Variants in RAP1GDS1 observed in about 807,000 individuals in gnomAD.
The protein encoded by RAP1GDS1 is RAP1, GTP-GDP dissociation stimulator 1.
In RAP1GDS1, 35 loss-of-function variants were observed where a neutral mutation model predicts 71.1. The ratio of observed to expected loss-of-function variants is 0.49; its 90% CI spans 0.38 to 0.65. RAP1GDS1 has a LOEUF of 0.65. Ranked by LOEUF, RAP1GDS1 falls within the 30% of genes least tolerant of loss-of-function variation. RAP1GDS1 has a pLI of 0.00. For synonymous variants in RAP1GDS1, 229 were observed against 243.1 expected, an observed-to-expected ratio of 0.94 and a Z score of 0.54; for missense variants, 663 against 706.1, an observed-to-expected ratio of 0.94 and a Z score of 0.69.
chr4:98,422,948 TACCCCTTTG>T (rs1263961200), intron 12 of RAP1GDS1, among the ~76,000 whole-genome samples: 1 of 152,242 alleles, frequency 6.6e-6, no homozygotes. Context: ...GCTTCCTTGG[TACCCCTTTG>T]ACCCCTTCTC....
At chr4:98,382,866 A>G (rs927175958) in intron 5 of RAP1GDS1, among the ~76,000 whole-genome samples, 2 of 151,672 alleles carry the variant, frequency 1.3e-5, no homozygotes, top group Non-Finnish European at 3.0e-5. Context: ...ATGTTAGTTG[A>G]TGTTCCTTAT....
intron 4 of RAP1GDS1, among the ~76,000 whole-genome samples, chr4:98,364,830 C>A (rs550106111): frequency 6.6e-6 from 1 of 151,714 alleles, no homozygotes; most frequent in African/African-American, 2.4e-5. Flanking sequence ...GAGTTCAAGA[C>A]CCACCAGAGC....
chr4:98,332,503 A>C (rs1734147160), intron 2 of RAP1GDS1, among the ~76,000 whole-genome samples: 1 of 152,216 alleles, frequency 6.6e-6, no homozygotes, highest in Non-Finnish European at 1.5e-5. Flanking sequence ...CCAGCTAAAC[A>C]AAAAGATGTA....
chr4:98,436,871 A>G lies in RAP1GDS1; in HGVS notation c.1568-69A>G, dbSNP rs1751211321. On this transcript the variant is annotated intron_variant, in intron 13 of 14. Coordinates refer to ENST00000408927, the MANE Select transcript of RAP1GDS1 (RefSeq NM_001100427.2). The stretch of plus-strand genomic sequence containing the variant: ...AGGTTTCGTATGGTCAATTTCTTCA[A>G]AATGAAGCAGTGTTTATCCTGAGGA... 11 of 1,400,456 alleles carry G rather than the reference A, an allele frequency of 7.9e-6. No individual in the cohort carries two copies. The South Asian group carries it at 2.1e-4, about 27-fold the overall frequency. 86.8% of individuals were successfully genotyped at this position (1,400,456 alleles called of 1,614,324 possible). A position where few individuals can be genotyped will look rare whatever the true frequency, so the allele number is the denominator to read the frequency against.
At chr4:98,292,074 A>T (rs1218285443) in intron 1 of RAP1GDS1, among the ~76,000 whole-genome samples, 1 of 152,108 alleles carries the variant, frequency 6.6e-6, no homozygotes, top group Non-Finnish European at 1.5e-5. Flanking sequence ...ACAGAAGAAG[A>T]TACGAGAGTC....
chr4:98,398,637 A>C (rs1239083502), intron 6 of RAP1GDS1, among the ~76,000 whole-genome samples: 1 of 152,182 alleles, frequency 6.6e-6, no homozygotes, highest in Non-Finnish European at 1.5e-5. Context: ...TTGGAAAGGA[A>C]AAAGTCAAAT....
chr4:98,400,044 C>T (rs1035910414), intron 6 of RAP1GDS1, among the ~76,000 whole-genome samples: 29 of 151,864 alleles, frequency 1.9e-4, no homozygotes, highest in African/African-American at 6.5e-4. Context: ...TCCCAGCTAC[C>T]TGGGAAGCTG....
Position 98,261,476 on chromosome 4 carries a change from A to G in RAP1GDS1, c.-90A>G. 7.5e-7 allele frequency: 1 copy of G among 1,335,030 alleles called. No individual in the cohort carries two copies. The highest frequency in any genetic ancestry group is 1.5e-5 in the African/African-American group (1 of 65,994). 82.7% of individuals were successfully genotyped at this position (1,335,030 alleles called of 1,614,324 possible). ...GCGGGTCCCTCCCTGGCTGCGGGAGAGACGGAGGTAGAGGGAGGACACAGA... is the reference window on the plus strand; with the variant it reads ...GCGGGTCCCTCCCTGGCTGCGGGAGGGACGGAGGTAGAGGGAGGACACAGA... On this transcript the variant is annotated 5_prime_UTR_variant, in exon 1 of 15. Transcript: ENST00000408927.
intron 2 of RAP1GDS1, among the ~76,000 whole-genome samples, chr4:98,305,046 T>C (rs2110304726): frequency 6.6e-6 from 1 of 152,322 alleles, no homozygotes; most frequent in Non-Finnish European, 1.5e-5. Context: ...TTTGTACCAG[T>C]ACCATGCTGT....
intron 2 of RAP1GDS1, among the ~76,000 whole-genome samples, chr4:98,328,295 T>C (rs1174118864): frequency 2.0e-5 from 3 of 152,236 alleles, no homozygotes; most frequent in Non-Finnish European, 4.4e-5. Context: ...ATTTCAGTTA[T>C]GGCATTCTCC....
chr4:98,389,244 G>A (rs923170919), intron 5 of RAP1GDS1, among the ~76,000 whole-genome samples: 3 of 151,960 alleles, frequency 2.0e-5, no homozygotes, highest in Non-Finnish European at 4.4e-5. Flanking sequence ...ATTCTAGGAG[G>A]CCTCTTTCTT....
Position 98,417,518 on chromosome 4 carries a change from C to A in RAP1GDS1, c.1039+20C>A. 1 of 1,608,564 alleles carries A rather than the reference C, an allele frequency of 6.2e-7. No individual in the cohort carries two copies. The highest frequency in any genetic ancestry group is 8.5e-7 in the Non-Finnish European group (1 of 1,176,094). On this transcript the variant is annotated intron_variant, in intron 9 of 14. Transcript: ENST00000408927. ...GAAATGGTAAGCATATTAGTTCCTC[C>A]TTTGTTAGTCAAATACTCTATATTT... is the stretch of plus-strand genomic sequence containing the variant.
chr4:98,386,076 A>G (rs999038342), intron 5 of RAP1GDS1, among the ~76,000 whole-genome samples: 3 of 151,796 alleles, frequency 2.0e-5, no homozygotes, highest in African/African-American at 7.2e-5. Flanking sequence ...AAGACATTTA[A>G]CTTAAAAGAC....
chr4:98,368,751 T>C (rs1435743187), intron 4 of RAP1GDS1, among the ~76,000 whole-genome samples: 1 of 152,198 alleles, frequency 6.6e-6, no homozygotes, highest in Non-Finnish European at 1.5e-5. Context: ...GAATAGGGCT[T>C]ATTCTTTTCT....
chr4:98,266,204 A>G (rs1324106464), intron 1 of RAP1GDS1, among the ~76,000 whole-genome samples: 2 of 152,172 alleles, frequency 1.3e-5, no homozygotes, highest in African/African-American at 4.8e-5. Context: ...ATTTCACCAT[A>G]GTGCCTCACA....
At chr4:98,378,037 T>TATTACTAAA (rs1253689104) in intron 4 of RAP1GDS1, among the ~76,000 whole-genome samples, 1 of 151,870 alleles carries the variant, frequency 6.6e-6, no homozygotes. Flanking sequence ...TTGAATAAAA[T>TATTACTAAA]ATTACTAAAA....
At chr4:98,409,842 G>T in intron 7 of RAP1GDS1, 2 of 204,074 alleles carry the variant, frequency 9.8e-6, no homozygotes, top group Admixed American at 5.4e-5. Context: ...TGACCTAAAT[G>T]TGAAAGTTAA....
At chr4:98,435,654 G>C (rs1751028037) in intron 13 of RAP1GDS1, among the ~76,000 whole-genome samples, 1 of 151,812 alleles carries the variant, frequency 6.6e-6, no homozygotes, top group African/African-American at 2.4e-5. Context: ...AGGGTCAACT[G>C]TATATTCTTT....
chr4:98,439,487 C>A (rs903228762), intron 14 of RAP1GDS1, among the ~76,000 whole-genome samples: 1 of 152,106 alleles, frequency 6.6e-6, no homozygotes, highest in Non-Finnish European at 1.5e-5. Flanking sequence ...TTGACTGTTA[C>A]TTCTTCAGGT....
Sources: gnomAD v4.1 joint callset for allele counts (sites outside exome capture counted in the v4.1 genomes callset) on GRCh38, gnomAD v4.1.1 for gene constraint, MANE v1.5 for transcripts, NCBI Gene and HGNC (gene_info 2026-07-23, HGNC 2026-07-21) for gene names.